Variants in VAV2 observed in about 807,000 individuals in gnomAD.
The protein encoded by VAV2 is guanine nucleotide exchange factor VAV2.
In VAV2, 67 loss-of-function variants were observed where a neutral mutation model predicts 132.5. The observed-to-expected ratio is 0.51, with a 90% CI of 0.42 to 0.62. The LOEUF is 0.62. VAV2 is among the 20% of genes least tolerant of loss of function. The pLI, the probability that VAV2 is intolerant of heterozygous loss-of-function variation, is 0.00. For synonymous variants in VAV2, 492 were observed against 443.5 expected, an observed-to-expected ratio of 1.11 and a Z score of -1.37; for missense variants, 938 against 1,153.6, an observed-to-expected ratio of 0.81 and a Z score of 2.71.
chr9:133,779,015 A>G, intron 21 of VAV2, 126 bp from the exon 22 acceptor site: 1 of 1,238,330 alleles, frequency 8.1e-7, no homozygotes, highest in Non-Finnish European at 1.1e-6. Flanking sequence ...TTGCGCCTGC[A>G]TCTCCCTTCC....
chr9:133,920,566 C>G (rs185690444), intron 2 of VAV2, among the ~76,000 whole-genome samples: 4 of 152,156 alleles, frequency 2.6e-5, no homozygotes, highest in African/African-American at 9.7e-5. Context: ...GGAAAAGCGT[C>G]GCTGATACCA....
chr9:133,783,087 T>C (rs1834067095), intron 19 of VAV2, among the ~76,000 whole-genome samples: 1 of 152,202 alleles, frequency 6.6e-6, no homozygotes, highest in Non-Finnish European at 1.5e-5. Context: ...TTTACTAACA[T>C]GGCTATAGCT....
chr9:133,838,357 G>A (rs893237907), intron 3 of VAV2, among the ~76,000 whole-genome samples: 3 of 150,704 alleles, frequency 2.0e-5, no homozygotes, highest in African/African-American at 7.3e-5. Flanking sequence ...TACATGGATG[G>A]ATGAGTAGGT....
At chr9:133,929,836 C>T (rs1421975190) in intron 2 of VAV2, among the ~76,000 whole-genome samples, 1 of 152,198 alleles carries the variant, frequency 6.6e-6, no homozygotes, top group East Asian at 1.9e-4. Context: ...CGCCAGTGTC[C>T]CCAGGCCCAA....
intron 10 of VAV2, 93 bp downstream of exon 10, chr9:133,797,617 A>G (rs1834769031): frequency 8.8e-7 from 1 of 1,141,976 alleles, no homozygotes; most frequent in South Asian, 1.5e-5. Flanking sequence ...CTTCCCAACA[A>G]ATGGGCAAGA....
At position 133,824,287 on chromosome 9, in the gene VAV2, C is replaced by A. The variant is rs1021786950; in HGVS notation, c.449+9985G>T. 6.6e-6 allele frequency among the ~76,000 whole-genome samples: 1 copy of A among 152,092 alleles called. No homozygotes were observed. Among genetic ancestry groups the A allele is most frequent in the African/African-American group, 2.4e-5 (1 of 41,404 alleles). Reference sequence around the variant, plus strand: ...ACTGGGCTTGTCTAGACCACAGGAGCGAGAAAGGCTGGACTGCCTACAGAG... The same window carrying A: ...ACTGGGCTTGTCTAGACCACAGGAGAGAGAAAGGCTGGACTGCCTACAGAG... On this transcript the variant is annotated intron_variant, in intron 4 of 29. Coordinates refer to ENST00000371850, the MANE Select transcript of VAV2 (RefSeq NM_001134398.2). This position sits in a 1 kb window ranked among gnomAD's most constrained non-coding sequence, Gnocchi z 5.2.
intron 23 of VAV2, 48 bp from the exon 24 acceptor site, chr9:133,776,128 A>T (rs765010473): frequency 6.2e-7 from 1 of 1,605,022 alleles, no homozygotes; most frequent in South Asian, 1.1e-5. Flanking sequence ...GGCCACTCAC[A>T]GAGCAGGGCT....
intron 3 of VAV2, among the ~76,000 whole-genome samples, chr9:133,854,551 G>T (rs542010056): frequency 1.2e-4 from 18 of 152,212 alleles, no homozygotes; most frequent in Non-Finnish European, 2.6e-4. Context: ...AGAGGCCTGG[G>T]GTGTGGAAGA....
At chr9:133,790,213 G>A (rs946368470) in intron 13 of VAV2, among the ~76,000 whole-genome samples, 8 of 152,184 alleles carry the variant, frequency 5.3e-5, no homozygotes, top group Middle Eastern at 3.2e-3. Context: ...GTCTCACTAC[G>A]TCACCCAGGC....
chr9:133,854,275 C>T (rs1446728292), intron 3 of VAV2, among the ~76,000 whole-genome samples: 1 of 136,168 alleles, frequency 7.3e-6, no homozygotes, highest in Non-Finnish European at 1.5e-5. Context: ...ACGCACATAC[C>T]CATATGCACA....
chr9:133,961,425 C>T lies in VAV2; in HGVS notation c.205-22206G>A, dbSNP rs560795139. On this transcript the variant is annotated intron_variant, in intron 1 of 29. Coordinates refer to ENST00000371850, the MANE Select transcript of VAV2 (RefSeq NM_001134398.2). This position sits in a 1 kb window ranked among gnomAD's most constrained non-coding sequence, Gnocchi z 4.1. ...CTGATGGGAACGGAGGTTGGGAACA[C>T]CAGCATCTGGGGCTGCAGACCAGAG... Among the ~76,000 whole-genome samples the T allele has an allele frequency of 6.6e-6, 1 of 152,180 alleles. No individual in the cohort carries two copies. Among genetic ancestry groups the T allele is most frequent in the Non-Finnish European group, 1.5e-5 (1 of 68,038 alleles).
intron 4 of VAV2, among the ~76,000 whole-genome samples, chr9:133,827,636 G>GCCCACTGAGGCTGACCACTGAGCAC (rs1836076352): frequency 2.9e-4 from 1 of 3,400 alleles, no homozygotes; most frequent in African/African-American, 7.1e-4. Context: ...CCACTGAGTG[G>GCCCACTGAGGCTGACCACTGAGCAC]GGGCATCACC....
intron 1 of VAV2, among the ~76,000 whole-genome samples, chr9:133,945,578 C>T (rs373770758): frequency 1.3e-5 from 2 of 152,342 alleles, no homozygotes; most frequent in African/African-American, 4.8e-5. Context: ...CAGGCCCATG[C>T]CCGGGAAAGT....
At chr9:133,890,321 G>A (rs894314376) in intron 2 of VAV2, among the ~76,000 whole-genome samples, 7 of 152,214 alleles carry the variant, frequency 4.6e-5, no homozygotes, top group South Asian at 2.1e-4. Context: ...CTGACGGCGC[G>A]TCTCACGCAG....
intron 4 of VAV2, among the ~76,000 whole-genome samples, chr9:133,825,875 C>G (rs1236434685): frequency 6.6e-6 from 1 of 152,234 alleles, no homozygotes; most frequent in African/African-American, 2.4e-5. Flanking sequence ...ACGTCCAAAC[C>G]TCCTCGACAC....
intron 1 of VAV2, among the ~76,000 whole-genome samples, chr9:133,952,326 G>A (rs1633764): frequency 1.3e-5 from 2 of 151,894 alleles, no homozygotes; most frequent in Non-Finnish European, 2.9e-5. Context: ...TCTCAAGGCC[G>A]GGTGCGGTGG....
At chr9:133,974,249 G>C (rs570512229) in intron 1 of VAV2, among the ~76,000 whole-genome samples, 2 of 152,112 alleles carry the variant, frequency 1.3e-5, no homozygotes, top group Admixed American at 6.5e-5. Flanking sequence ...ACGGGGTAGC[G>C]GTCAGTAACG....
At position 133,772,170 on chromosome 9, in the gene VAV2, T is replaced by C. The variant is rs1006618030; in HGVS notation, c.2136-124A>G. The C allele has an allele frequency of 9.2e-6, 7 of 761,952 alleles. No individual in the cohort carries two copies. The Admixed American group carries it at 1.1e-4, about 12-fold the overall frequency. 47.2% of individuals were successfully genotyped at this position (761,952 alleles called of 1,614,324 possible). A position where few individuals can be genotyped will look rare whatever the true frequency, so the allele number is the denominator to read the frequency against. The stretch of plus-strand genomic sequence containing the variant: ...CCTCGTCCCTGGCCCCCAGGGCCAC[T>C]CCCTGTCAGCCCTGTCCTACCCCAG... On this transcript the variant is annotated intron_variant, in intron 25 of 29. Transcript: ENST00000371850.
At chr9:133,839,300 G>A (rs1435493494) in intron 3 of VAV2, among the ~76,000 whole-genome samples, 2 of 152,016 alleles carry the variant, frequency 1.3e-5, no homozygotes, top group East Asian at 3.9e-4. Flanking sequence ...TGGGCTGACA[G>A]ACAGATGGAT....
Sources: gnomAD v4.1 joint callset for allele counts (sites outside exome capture counted in the v4.1 genomes callset) on GRCh38, gnomAD v4.1.1 for gene constraint, Gnocchi (gnomAD v3.1) non-coding constraint, MANE v1.5 for transcripts, NCBI Gene and HGNC (gene_info 2026-07-23, HGNC 2026-07-21) for gene names.